KCNQ5: variants seen among roughly 807,000 people sequenced by gnomAD.
KCNQ5 encodes potassium voltage-gated channel subfamily KQT member 5.
In KCNQ5, 30 loss-of-function variants were observed where a neutral mutation model predicts 98.2. The observed-to-expected ratio is 0.31, with a 90% CI of 0.23 to 0.41. KCNQ5 has a LOEUF of 0.41. KCNQ5 is among the 10% of genes least tolerant of loss of function. The pLI, the probability that KCNQ5 is intolerant of heterozygous loss-of-function variation, is 1.00. For synonymous variants in KCNQ5, 458 were observed against 449.4 expected, an observed-to-expected ratio of 1.02 and a Z score of -0.24; for missense variants, 835 against 1,182.5, an observed-to-expected ratio of 0.71 and a Z score of 4.31.
At chr6:72,769,469 A>G (rs1397789412) in intron 1 of KCNQ5, among the ~76,000 whole-genome samples, 1 of 151,966 alleles carries the variant, frequency 6.6e-6, no homozygotes, top group Non-Finnish European at 1.5e-5. Flanking sequence ...TAAAATATCG[A>G]TGTCTAAGCT....
At chr6:72,803,156 G>T (rs1561993827) in intron 1 of KCNQ5, among the ~76,000 whole-genome samples, 1 of 152,114 alleles carries the variant, frequency 6.6e-6, no homozygotes. Flanking sequence ...CACAATCTTT[G>T]TTCCTATATT....
chr6:73,157,692 G>A (rs1262968396), intron 10 of KCNQ5: 21 of 775,898 alleles, frequency 2.7e-5, no homozygotes, highest in Non-Finnish European at 4.6e-5. Context: ...AGGCCTCTGG[G>A]CATGCAGGCA....
intron 5 of KCNQ5, among the ~76,000 whole-genome samples, chr6:73,102,627 G>A (rs1247643473): frequency 1.3e-5 from 2 of 151,958 alleles, no homozygotes; most frequent in African/African-American, 4.8e-5. Flanking sequence ...ACCACAAACA[G>A]GCATATGAAA....
chr6:72,714,852 A>G (rs1371604450), intron 1 of KCNQ5, among the ~76,000 whole-genome samples: 1 of 152,184 alleles, frequency 6.6e-6, no homozygotes, highest in Non-Finnish European at 1.5e-5. Context: ...TGGAAAATAA[A>G]TCTGATGGAT....
At chr6:73,142,453 T>C (rs866959589) in intron 10 of KCNQ5, among the ~76,000 whole-genome samples, 1 of 152,068 alleles carries the variant, frequency 6.6e-6, no homozygotes, top group South Asian at 2.1e-4. Context: ...GGTTTATAAC[T>C]TCTGGTCTAA....
chr6:73,130,390 C>T (rs1776180029), intron 9 of KCNQ5, among the ~76,000 whole-genome samples: 1 of 152,142 alleles, frequency 6.6e-6, no homozygotes, highest in African/African-American at 2.4e-5. Flanking sequence ...TGCAGGGTGA[C>T]AGTGCAGGCT....
chr6:72,770,765 T>C (rs1222910944), intron 1 of KCNQ5, among the ~76,000 whole-genome samples: 1 of 152,176 alleles, frequency 6.6e-6, no homozygotes, highest in Non-Finnish European at 1.5e-5. Context: ...TTTTCAGTTG[T>C]AGCTGAAAAG....
At chr6:73,059,299 A>G (rs913943491) in intron 3 of KCNQ5, among the ~76,000 whole-genome samples, 10 of 152,204 alleles carry the variant, frequency 6.6e-5, no homozygotes, top group Admixed American at 4.6e-4. Flanking sequence ...CACCTAAGCG[A>G]ACTGACACAG....
chr6:73,166,522 A>T (rs1777804274), intron 10 of KCNQ5, among the ~76,000 whole-genome samples: 1 of 97,764 alleles, frequency 1.0e-5, no homozygotes, highest in Non-Finnish European at 1.9e-5. Flanking sequence ...TAAAAAAAAA[A>T]AAAACTCTTA....
At chr6:73,093,762 C>T in intron 5 of KCNQ5, among the ~76,000 whole-genome samples, 1 of 152,026 alleles carries the variant, frequency 6.6e-6, no homozygotes, top group East Asian at 1.9e-4. Context: ...CCACTGTGGT[C>T]TGAGAGAGTG....
intron 1 of KCNQ5, among the ~76,000 whole-genome samples, chr6:72,995,381 A>G (rs1769245626): frequency 6.6e-6 from 1 of 152,068 alleles, no homozygotes; most frequent in Non-Finnish European, 1.5e-5. Flanking sequence ...AAAAAAAAAA[A>G]AAAAGGGAAA....
At chr6:72,763,167 C>G (rs1285068891) in intron 1 of KCNQ5, among the ~76,000 whole-genome samples, 1 of 151,704 alleles carries the variant, frequency 6.6e-6, no homozygotes, top group African/African-American at 2.4e-5. Flanking sequence ...ATTTATTTTT[C>G]TGAAAAAATG....
chr6:73,178,252 G>A (rs1033157493), intron 11 of KCNQ5, among the ~76,000 whole-genome samples: 1 of 129,436 alleles, frequency 7.7e-6, no homozygotes, highest in South Asian at 2.3e-4. Context: ...TTCTTGCTTG[G>A]GTTTTACTAC....
At chr6:72,707,048 G>A (rs1026290456) in intron 1 of KCNQ5, among the ~76,000 whole-genome samples, 4 of 152,170 alleles carry the variant, frequency 2.6e-5, no homozygotes, top group African/African-American at 9.6e-5. Flanking sequence ...TACAAACTAT[G>A]AGTGTGTGTA....
At chr6:73,166,512 T>TAA (rs5877357) in intron 10 of KCNQ5, among the ~76,000 whole-genome samples, 77,443 of 143,288 alleles carry the variant, frequency 0.54, 21,008 homozygotes, top group Middle Eastern at 0.65. Context: ...TAGATTTCTC[T>TAA]AAAAAAAAAA....
At chr6:73,108,961 T>G (rs1775116539) in intron 6 of KCNQ5, among the ~76,000 whole-genome samples, 1 of 152,198 alleles carries the variant, frequency 6.6e-6, no homozygotes, top group African/African-American at 2.4e-5. Context: ...GTGTCAGTAT[T>G]TGAAGGGATG....
chr6:72,942,008 C>T (rs1201707618), intron 1 of KCNQ5, among the ~76,000 whole-genome samples: 2 of 151,994 alleles, frequency 1.3e-5, no homozygotes, highest in Non-Finnish European at 2.9e-5. Flanking sequence ...GAGAGTTTAC[C>T]CAACCCATAA....
intron 11 of KCNQ5, among the ~76,000 whole-genome samples, chr6:73,180,227 T>G (rs1248821088): frequency 6.6e-6 from 1 of 152,214 alleles, no homozygotes; most frequent in African/African-American, 2.4e-5. Flanking sequence ...AGGAGGCTTC[T>G]TTAACTCTGC....
intron 10 of KCNQ5, among the ~76,000 whole-genome samples, chr6:73,153,998 T>TTAGC (rs1554216245): frequency 6.6e-6 from 1 of 151,584 alleles, no homozygotes; most frequent in Non-Finnish European, 1.5e-5. Context: ...AATTAGCTCT[T>TTAGC]TAGAATATTG....
Sources: gnomAD v4.1 joint callset for allele counts (sites outside exome capture counted in the v4.1 genomes callset) on GRCh38, gnomAD v4.1.1 for gene constraint, MANE v1.5 for transcripts, NCBI Gene and HGNC (gene_info 2026-07-23, HGNC 2026-07-21) for gene names.